Variants in OTOG observed in about 807,000 individuals in gnomAD.
The protein encoded by OTOG is otogelin.
In OTOG, 296 loss-of-function variants were observed where a neutral mutation model predicts 313.8. The observed-to-expected ratio is 0.94, with a 90% CI of 0.86 to 1.04. OTOG has a LOEUF of 1.04. OTOG is among the 50% of genes least tolerant of loss of function. The pLI is 0.00. For synonymous variants in OTOG, 1,533 were observed against 1,554.9 expected, an observed-to-expected ratio of 0.99 and a Z score of 0.33; for missense variants, 3,948 against 3,840.1, an observed-to-expected ratio of 1.03 and a Z score of -0.74.
intron 10 of OTOG, 30 bp downstream of exon 10, chr11:17,558,674 AC>A: frequency 6.5e-7 from 1 of 1,538,800 alleles, no homozygotes; most frequent in South Asian, 1.2e-5. Context: ...GCTATGGGGA[AC>A]CCTCTAGTAT....
intron 37 of OTOG, 55 bp from the exon 38 acceptor site, chr11:17,612,565 G>A (rs540494162): frequency 3.0e-5 from 46 of 1,508,582 alleles, no homozygotes; most frequent in East Asian, 2.0e-4. Flanking sequence ...CTTCCTAGGC[G>A]GCCTTGGTCT....
At chr11:17,570,164 G>A in intron 16 of OTOG, 49 bp from the exon 17 acceptor site, 1 of 1,487,474 alleles carries the variant, frequency 6.7e-7, no homozygotes, top group Non-Finnish European at 9.1e-7. Context: ...GGTGGGCGGG[G>A]TGTGTACTGG....
At chr11:17,548,120 C>G in intron 2 of OTOG, 32 bp from the exon 3 acceptor site, 2 of 1,539,258 alleles carry the variant, frequency 1.3e-6, no homozygotes, top group South Asian at 1.2e-5. Context: ...CATCCTAGCC[C>G]CCCATCCATG....
At chr11:17,555,961 A>G in intron 7 of OTOG, 64 bp downstream of exon 7, 1 of 1,257,258 alleles carries the variant, frequency 8.0e-7, no homozygotes, top group Non-Finnish European at 1.1e-6. Context: ...TGGATGGGTG[A>G]GCATCCGCTC....
At chr11:17,606,499 C>T (rs1853393972) in intron 33 of OTOG, among the ~76,000 whole-genome samples, 2 of 152,320 alleles carry the variant, frequency 1.3e-5, no homozygotes, top group East Asian at 3.9e-4. Flanking sequence ...CACATGTCTG[C>T]CCCATGAGTT....
intron 39 of OTOG, among the ~76,000 whole-genome samples, chr11:17,627,597 G>A (rs1854018037): frequency 6.6e-6 from 1 of 151,998 alleles, no homozygotes; most frequent in African/African-American, 2.4e-5. Flanking sequence ...GAGTAACACT[G>A]GCCTCATAGA....
At chr11:17,555,736 T>G in intron 6 of OTOG, 43 bp from the exon 7 acceptor site, 3 of 1,486,946 alleles carry the variant, frequency 2.0e-6, no homozygotes, top group Non-Finnish European at 2.7e-6. Context: ...GGGTCAGGCC[T>G]GTGGCAGGAG....
chr11:17,586,385 C>T (rs1269130111), intron 23 of OTOG, 89 bp from the exon 24 acceptor site: 2 of 717,082 alleles, frequency 2.8e-6, no homozygotes, highest in Non-Finnish European at 4.0e-6. Context: ...GGAGCCACCT[C>T]CGAGCATCCA....
At chr11:17,619,786 G>C (rs113527481) in intron 39 of OTOG, among the ~76,000 whole-genome samples, 3 of 152,240 alleles carry the variant, frequency 2.0e-5, no homozygotes, top group African/African-American at 7.2e-5. Context: ...ATCTTCTAAA[G>C]AGATTTTTAA....
chr11:17,558,466 A>G, intron 9 of OTOG, 72 bp from the exon 10 acceptor site: 3 of 1,531,218 alleles, frequency 2.0e-6, no homozygotes, highest in Non-Finnish European at 2.7e-6. Context: ...CCACAGCTCA[A>G]GTTGGGGTTC....
chr11:17,560,729 G>A lies in OTOG; in HGVS notation c.1363G>A (p.Gly455Ser). 3 of 1,550,604 alleles carry A rather than the reference G, an allele frequency of 1.9e-6. No individual in the cohort carries two copies. Among genetic ancestry groups the A allele is most frequent in the Non-Finnish European group, 2.6e-6 (3 of 1,146,972 alleles). ...TCTAGGGCTCATCTTCGAGGATGGG[G>A]GCTGCGTGGCACCAGCTGAGTGTCC... Reference protein sequence around the residue: ...CPNGLIFEDGGCVAPAECPCE... With the variant: ...CPNGLIFEDGSCVAPAECPCE... The change falls in exon 13 of 56, where the codon GGC becomes AGC. Residue 455 changes from glycine (G) to serine (S), a missense_variant. Gly to Ser is a moderately conservative substitution (Grantham distance 56). Coordinates refer to ENST00000399397, the MANE Select transcript of OTOG (RefSeq NM_001292063.2).
intron 39 of OTOG, among the ~76,000 whole-genome samples, chr11:17,626,440 T>G (rs1853987630): frequency 6.6e-6 from 1 of 152,216 alleles, no homozygotes; most frequent in African/African-American, 2.4e-5. Flanking sequence ...CCTCCTAAAG[T>G]GCTGGGATTA....
rs780180476 is a variant in OTOG at position 17,593,651 on chromosome 11, A to C, written c.3183A>C (p.Thr1061=). ...SFLDDKQEVH[T]WRVGFFTLVH... ...TGGATGACAAGCAGGAGGTCCACAC[A>C]TGGCGAGTGGGATTTTTCACACTGG... is the stretch of plus-strand genomic sequence containing the variant. The change falls in exon 27 of 56, where the codon ACA becomes ACC. Residue 1061 remains threonine (T), a synonymous_variant. Transcript: ENST00000399397. The C allele has an allele frequency of 1.3e-6, 2 of 1,549,010 alleles. No individual in the cohort carries two copies. The highest frequency in any genetic ancestry group is 2.7e-5 in the African/African-American group (2 of 72,998).
chr11:17,610,198 C>T lies in OTOG; in HGVS notation c.4898C>T (p.Thr1633Ile), dbSNP rs1009425588. The T allele has an allele frequency of 6.4e-6, 10 of 1,550,432 alleles. No homozygotes were observed. In the East Asian group the frequency reaches 1.7e-4, roughly 27 times the overall value. ...RGHGSLPVRTTPPQPSLTASP... is the reference protein window; with the variant it reads ...RGHGSLPVRTIPPQPSLTASP... ...CATGGCTCCTTGCCTGTTAGGACGA[C>T]ACCCCCACAGCCCTCCTTGACAGCA... is the stretch of plus-strand genomic sequence containing the variant. Residue 1633 changes from threonine (T) to isoleucine (I), a missense_variant, in exon 36 of 56, where the codon ACA becomes ATA. By Grantham distance (89) the Thr-to-Ile change is moderately conservative (BLOSUM62 -1). Coordinates refer to ENST00000399397, the MANE Select transcript of OTOG (RefSeq NM_001292063.2).
At chr11:17,642,376 C>A in intron 53 of OTOG, 130 bp downstream of exon 53, 2 of 1,241,004 alleles carry the variant, frequency 1.6e-6, no homozygotes, top group South Asian at 1.8e-5. Context: ...GCACTGCCAC[C>A]CCAAATCCAT....
At chr11:17,578,675 G>A in intron 23 of OTOG, 149 bp downstream of exon 23, 1 of 1,079,410 alleles carries the variant, frequency 9.3e-7, no homozygotes, top group Non-Finnish European at 1.3e-6. Flanking sequence ...TGGCCAGAGA[G>A]GAGTCTGGGA....
intron 47 of OTOG, among the ~76,000 whole-genome samples, chr11:17,636,437 A>C (rs1854268137): frequency 6.6e-6 from 1 of 152,172 alleles, no homozygotes; most frequent in Non-Finnish European, 1.5e-5. Context: ...TGATAATAGG[A>C]GAAGCATGAG....
chr11:17,642,101 C>T, intron 52 of OTOG, 26 bp from the exon 53 acceptor site: 1 of 1,530,360 alleles, frequency 6.5e-7, no homozygotes, highest in Non-Finnish European at 8.8e-7. Flanking sequence ...GCCACAGCTC[C>T]CATTACCTAC....
chr11:17,587,325 G>C (rs567235540), intron 24 of OTOG, among the ~76,000 whole-genome samples: 2 of 152,346 alleles, frequency 1.3e-5, no homozygotes, highest in Admixed American at 1.3e-4. Context: ...TAGGCAGTGG[G>C]TAGACTCAGC....
Sources: allele counts gnomAD v4.1 joint callset (sites outside exome capture counted in the v4.1 genomes callset), GRCh38; gene constraint gnomAD v4.1.1; transcripts MANE v1.5; gene names NCBI Gene and HGNC (gene_info 2026-07-23, HGNC 2026-07-21).